The following TMEM132D variants were observed in gnomAD, a reference collection of about 807,000 sequenced individuals.
The protein encoded by TMEM132D is transmembrane protein 132D.
In TMEM132D, 21 loss-of-function variants were observed where a neutral mutation model predicts 62.3. The observed-to-expected ratio is 0.34, with a 90% CI of 0.24 to 0.49. The LOEUF (loss-of-function observed/expected upper bound fraction) is 0.49. TMEM132D is among the 20% of genes least tolerant of loss of function. TMEM132D has a pLI of 0.99. For synonymous variants in TMEM132D, 621 were observed against 575.6 expected (o/e 1.08, Z -1.13); for missense variants, 1,346 against 1,402.8 (o/e 0.96, Z 0.65).
intron 5 of TMEM132D, among the ~76,000 whole-genome samples, chr12:129,162,903 C>T (rs1877440120): frequency 6.6e-6 from 1 of 152,228 alleles, no homozygotes; most frequent in Non-Finnish European, 1.5e-5. Context: ...TGTCATTGTG[C>T]CGACTTGCCA....
chr12:129,489,746 T>C (rs1233701814), intron 3 of TMEM132D, among the ~76,000 whole-genome samples: 2 of 152,264 alleles, frequency 1.3e-5, no homozygotes, highest in African/African-American at 2.4e-5. Context: ...TAATTACTGA[T>C]AGCAAGTGGA....
chr12:129,680,659 C>T (rs1237198098), intron 2 of TMEM132D, among the ~76,000 whole-genome samples: 1 of 152,124 alleles, frequency 6.6e-6, no homozygotes, highest in African/African-American at 2.4e-5. Flanking sequence ...GGGAACAGGA[C>T]CCATCCCAGA....
intron 4 of TMEM132D, among the ~76,000 whole-genome samples, chr12:129,329,844 T>A (rs1869048796): frequency 6.6e-6 from 1 of 152,098 alleles, no homozygotes; most frequent in Non-Finnish European, 1.5e-5. Context: ...GGAGAATACA[T>A]CCCAAAGATT....
rs1241934260 is a variant in TMEM132D at position 129,442,859 on chromosome 12, T to C, written c.1115+88200A>G. 3.3e-5 allele frequency among the ~76,000 whole-genome samples: 5 copies of C among 152,020 alleles called. No homozygotes were observed. In the South Asian group the frequency reaches 6.2e-4, roughly 19 times the overall value. ...ATCTTGGTGTCTGCAAGAGGTACTG[T>C]TTTGGACGCCATGGTGTGCTGCCGA... On this transcript the variant is annotated intron_variant, in intron 3 of 8. Coordinates refer to ENST00000422113, the MANE Select transcript of TMEM132D (RefSeq NM_133448.3).
At chr12:129,329,225 T>G (rs1869022901) in intron 4 of TMEM132D, among the ~76,000 whole-genome samples, 1 of 152,064 alleles carries the variant, frequency 6.6e-6, no homozygotes, top group Non-Finnish European at 1.5e-5. Flanking sequence ...GTGTAATTAC[T>G]GTGAATGCTG....
chr12:129,771,153 C>T (rs994441384), intron 1 of TMEM132D, among the ~76,000 whole-genome samples: 4 of 152,194 alleles, frequency 2.6e-5, no homozygotes, highest in Non-Finnish European at 4.4e-5. Context: ...ACATGAAGCA[C>T]GCTCACCACT....
chr12:129,189,192 C>A (rs972046678), intron 5 of TMEM132D, among the ~76,000 whole-genome samples: 18 of 152,086 alleles, frequency 1.2e-4, no homozygotes, highest in African/African-American at 3.9e-4. Flanking sequence ...TGGAGGGAAG[C>A]CCTAAAGATT....
At chr12:129,101,083 G>A (rs1351299013) in intron 5 of TMEM132D, among the ~76,000 whole-genome samples, 3 of 151,642 alleles carry the variant, frequency 2.0e-5, no homozygotes, top group East Asian at 1.9e-4. Context: ...CAGTGCAGTC[G>A]GCGGCAGAGA....
At chr12:129,676,316 CATCT>C (rs770565510) in intron 2 of TMEM132D, among the ~76,000 whole-genome samples, 27 of 152,314 alleles carry the variant, frequency 1.8e-4, no homozygotes, top group Admixed American at 8.5e-4. Context: ...TCTAATCTAT[CATCT>C]ATCTATGTAT....
chr12:129,832,028 C>A (rs1446022379), intron 1 of TMEM132D, among the ~76,000 whole-genome samples: 1 of 134,192 alleles, frequency 7.5e-6, no homozygotes, highest in Non-Finnish European at 1.6e-5. Context: ...TGCCACCATG[C>A]CCGGCTCTTT....
intron 4 of TMEM132D, among the ~76,000 whole-genome samples, chr12:129,327,384 T>C (rs748978577): frequency 6.6e-6 from 1 of 152,212 alleles, no homozygotes; most frequent in Non-Finnish European, 1.5e-5. Flanking sequence ...TTTTAGATAC[T>C]GTCTAACCTG....
At chr12:129,728,569 T>G (rs1177457357) in intron 1 of TMEM132D, among the ~76,000 whole-genome samples, 1 of 152,254 alleles carries the variant, frequency 6.6e-6, no homozygotes, top group Non-Finnish European at 1.5e-5. Context: ...ATTTAGAATT[T>G]CCAAGGGCTG....
At chr12:129,747,294 T>C (rs528094417) in intron 1 of TMEM132D, among the ~76,000 whole-genome samples, 76 of 148,042 alleles carry the variant, frequency 5.1e-4, no homozygotes, top group Admixed American at 2.0e-3. Context: ...CCGCCTCAAG[T>C]TGACTTTTCT....
intron 3 of TMEM132D, among the ~76,000 whole-genome samples, chr12:129,490,319 C>G (rs1874729202): frequency 6.6e-6 from 1 of 151,092 alleles, no homozygotes; most frequent in African/African-American, 2.4e-5. Flanking sequence ...TGTTTGATGT[C>G]TGAACTAGAG....
intron 2 of TMEM132D, among the ~76,000 whole-genome samples, chr12:129,552,477 A>G (rs1876926764): frequency 6.6e-6 from 1 of 151,838 alleles, no homozygotes; most frequent in Admixed American, 6.5e-5. Flanking sequence ...TTCATTATCT[A>G]TTATCTCTCT....
chr12:129,318,823 A>G (rs1868576488), intron 4 of TMEM132D, among the ~76,000 whole-genome samples: 1 of 152,008 alleles, frequency 6.6e-6, no homozygotes, highest in Non-Finnish European at 1.5e-5. Context: ...GATGGAGGTG[A>G]GATTCCCAAT....
chr12:129,673,825 C>T (rs1339635207), intron 2 of TMEM132D, among the ~76,000 whole-genome samples: 1 of 152,148 alleles, frequency 6.6e-6, no homozygotes, highest in Non-Finnish European at 1.5e-5. Flanking sequence ...TTCAAAGGCT[C>T]TGTAGAACAG....
chr12:129,247,812 G>C (rs12309724), intron 4 of TMEM132D, among the ~76,000 whole-genome samples: 48,826 of 151,740 alleles, frequency 0.32, 7,991 homozygotes, highest in African/African-American at 0.38. Context: ...TTTAATTCTG[G>C]CTGGATAGAA....
chr12:129,143,986 G>C (rs1018168288), intron 5 of TMEM132D, among the ~76,000 whole-genome samples: 3 of 152,102 alleles, frequency 2.0e-5, no homozygotes, highest in African/African-American at 7.2e-5. Flanking sequence ...ATCTAATTGG[G>C]AGCTGAGCAG....
Sources: allele counts gnomAD v4.1 joint callset (sites outside exome capture counted in the v4.1 genomes callset), GRCh38; gene constraint gnomAD v4.1.1; transcripts MANE v1.5; gene names NCBI Gene and HGNC (gene_info 2026-07-23, HGNC 2026-07-21).